The following NRXN3 variants were observed in gnomAD, a reference collection of about 807,000 sequenced individuals.
The protein encoded by NRXN3 is neurexin III.
Under a neutral mutation model 137.6 loss-of-function variants are expected in NRXN3, and 32 were observed. The ratio of observed to expected loss-of-function variants is 0.23; its 90% CI spans 0.18 to 0.31. NRXN3 has a LOEUF of 0.31. NRXN3 is among the 10% of genes least tolerant of loss of function. The pLI, the probability that NRXN3 is intolerant of heterozygous loss-of-function variation, is 1.00. For missense variants in NRXN3, 1,574 were observed against 2,062.5 expected (o/e 0.76, Z 4.59); for synonymous variants, 798 against 784.5 (o/e 1.02, Z -0.29).
intron 15 of NRXN3, among the ~76,000 whole-genome samples, chr14:79,001,987 G>T (rs2099542287): frequency 6.6e-6 from 1 of 152,106 alleles, no homozygotes. Context: ...AAGCAAGTAG[G>T]ATTTTGAGTA....
intron 8 of NRXN3, among the ~76,000 whole-genome samples, chr14:78,768,736 A>G (rs1291298521): frequency 6.6e-6 from 1 of 152,176 alleles, no homozygotes; most frequent in Non-Finnish European, 1.5e-5. Context: ...AAATGTTTCC[A>G]TATTTCAGGG....
At chr14:79,563,698 C>T (rs898476482) in intron 16 of NRXN3, among the ~76,000 whole-genome samples, 4 of 149,992 alleles carry the variant, frequency 2.7e-5, no homozygotes, top group East Asian at 2.0e-4. Flanking sequence ...CATGATAAAC[C>T]TTTTTTCCTG....
At chr14:78,996,303 A>G (rs1231535101) in intron 15 of NRXN3, among the ~76,000 whole-genome samples, 1 of 152,218 alleles carries the variant, frequency 6.6e-6, no homozygotes, top group Admixed American at 6.5e-5. Context: ...CCAGTTTCAT[A>G]GATGAGAGAA....
intron 4 of NRXN3, among the ~76,000 whole-genome samples, chr14:78,479,912 G>A (rs1283918027): frequency 2.0e-5 from 3 of 152,062 alleles, no homozygotes; most frequent in Admixed American, 6.6e-5. Context: ...TGGGAGAGCA[G>A]GGAGGGCAAA....
intron 19 of NRXN3, among the ~76,000 whole-genome samples, chr14:79,752,230 A>C (rs908937790): frequency 2.6e-5 from 4 of 151,864 alleles, no homozygotes; most frequent in African/African-American, 9.7e-5. Context: ...TAAGCTATTG[A>C]TTATTGCCAC....
intron 4 of NRXN3, among the ~76,000 whole-genome samples, chr14:78,547,264 G>A (rs1333740842): frequency 6.6e-6 from 1 of 150,902 alleles, no homozygotes; most frequent in South Asian, 2.1e-4. Flanking sequence ...TGGATGCAGT[G>A]GCGAGATCTC....
At chr14:79,541,407 A>T (rs928797335) in intron 16 of NRXN3, among the ~76,000 whole-genome samples, 2 of 152,202 alleles carry the variant, frequency 1.3e-5, no homozygotes, top group African/African-American at 4.8e-5. Flanking sequence ...TCATCTCAAA[A>T]AAAAAGATAC....
chr14:79,101,252 C>T (rs1223936709), intron 15 of NRXN3, among the ~76,000 whole-genome samples: 2 of 152,176 alleles, frequency 1.3e-5, no homozygotes, highest in Non-Finnish European at 2.9e-5. Flanking sequence ...TAGTGTCCCA[C>T]TATTGTACTT....
intron 4 of NRXN3, among the ~76,000 whole-genome samples, chr14:78,513,658 A>G (rs1485663598): frequency 1.3e-5 from 2 of 152,158 alleles, no homozygotes; most frequent in Non-Finnish European, 2.9e-5. Context: ...ATGTGCAAAA[A>G]AAATTCAAGT....
At chr14:79,103,426 A>G (rs914206173) in intron 15 of NRXN3, among the ~76,000 whole-genome samples, 24 of 152,200 alleles carry the variant, frequency 1.6e-4, no homozygotes, top group African/African-American at 4.8e-4. Context: ...AAGGTGAATT[A>G]GAGACAGGAA....
At chr14:79,517,678 G>T (rs2097007162) in intron 16 of NRXN3, among the ~76,000 whole-genome samples, 1 of 151,440 alleles carries the variant, frequency 6.6e-6, no homozygotes, top group South Asian at 2.1e-4. Context: ...TTTTTTTCAG[G>T]TGGCTACCCA....
chr14:79,687,183 G>C (rs1373827794), intron 17 of NRXN3, among the ~76,000 whole-genome samples: 1 of 152,170 alleles, frequency 6.6e-6, no homozygotes, highest in Non-Finnish European at 1.5e-5. Flanking sequence ...TTGGTCGAAA[G>C]GCACTTTATA....
intron 19 of NRXN3, among the ~76,000 whole-genome samples, chr14:79,749,166 G>A (rs545065123): frequency 2.6e-5 from 4 of 152,176 alleles, no homozygotes; most frequent in East Asian, 1.9e-4. Flanking sequence ...GAAGTTAATC[G>A]TCTTGGGCAT....
chr14:78,319,464 A>G (rs1043890217), intron 4 of NRXN3, among the ~76,000 whole-genome samples: 1 of 152,060 alleles, frequency 6.6e-6, no homozygotes, highest in Non-Finnish European at 1.5e-5. Flanking sequence ...ACAAATCATC[A>G]CCATGAGGAC....
At chr14:79,343,704 G>A (rs1246990924) in intron 15 of NRXN3, among the ~76,000 whole-genome samples, 2 of 152,066 alleles carry the variant, frequency 1.3e-5, no homozygotes, top group Admixed American at 1.3e-4. Flanking sequence ...ATCAATCTCA[G>A]GAAAATACTT....
At chr14:78,921,794 T>C (rs566842745) in intron 10 of NRXN3, among the ~76,000 whole-genome samples, 1 of 152,330 alleles carries the variant, frequency 6.6e-6, no homozygotes, top group East Asian at 1.9e-4. Flanking sequence ...ATCAATGAAT[T>C]ATTAAGTTTA....
chr14:79,359,944 G>A (rs757396646), intron 15 of NRXN3, among the ~76,000 whole-genome samples: 14 of 152,120 alleles, frequency 9.2e-5, no homozygotes, highest in Admixed American at 5.9e-4. Context: ...GAACAGATAC[G>A]CATTGAAAGA....
At chr14:78,755,068 C>A (rs1413545467) in intron 8 of NRXN3, among the ~76,000 whole-genome samples, 1 of 152,048 alleles carries the variant, frequency 6.6e-6, no homozygotes. Flanking sequence ...CATGGAATGC[C>A]CAGGCTAAAG....
chr14:78,762,181 C>A (rs2098694517), intron 8 of NRXN3, among the ~76,000 whole-genome samples: 1 of 152,178 alleles, frequency 6.6e-6, no homozygotes, highest in African/African-American at 2.4e-5. Context: ...GTATGCATGA[C>A]TGAACCTGTC....
Sources: gnomAD v4.1 joint callset for allele counts (sites outside exome capture counted in the v4.1 genomes callset) on GRCh38, gnomAD v4.1.1 for gene constraint, MANE v1.5 for transcripts, NCBI Gene and HGNC (gene_info 2026-07-23, HGNC 2026-07-21) for gene names.